PDIA5: variants seen among roughly 807,000 people sequenced by gnomAD.
PDIA5 encodes protein disulfide-isomerase A5.
In PDIA5, 58 loss-of-function variants were observed where a neutral mutation model predicts 77.6. The ratio of observed to expected loss-of-function variants is 0.75; its 90% CI spans 0.61 to 0.93. PDIA5 has a LOEUF of 0.93. Ranked by LOEUF, PDIA5 falls within the 40% of genes least tolerant of loss-of-function variation. The probability of loss-of-function intolerance (pLI) is 0.00; values close to 1 mark genes in which losing one functional copy is unlikely to be tolerated. For missense variants in PDIA5, 630 were observed against 647.7 expected (o/e 0.97, Z 0.30); for synonymous variants, 250 against 252.1 (o/e 0.99, Z 0.08).
rs758368233 is a variant in PDIA5, at chr3:123,106,729, TTC to T, written c.388-16_388-15del. 22 of 1,566,784 alleles carry T rather than the reference TTC, an allele frequency of 1.4e-5. No homozygotes were observed. In the Admixed American group the frequency reaches 3.2e-4, roughly 23 times the overall value. On this transcript the variant is annotated intron_variant, in intron 5 of 16. Coordinates refer to ENST00000316218, the MANE Select transcript of PDIA5 (RefSeq NM_006810.4). ...TTTCAGGGCTAAAATGCATTTTCTCTTCTCTTTTTTTTCCCTCAGTCCATAGT... is the reference window on the plus strand; with the variant it reads ...TTTCAGGGCTAAAATGCATTTTCTCTTCTTTTTTTTCCCTCAGTCCATAGT...
intron 1 of PDIA5, among the ~76,000 whole-genome samples, chr3:123,087,010 A>G (rs752777455): frequency 6.6e-6 from 1 of 151,970 alleles, no homozygotes; most frequent in Non-Finnish European, 1.5e-5. Context: ...GATCTTTTGT[A>G]TGTTGTATTT....
At chr3:123,097,347 C>T (rs949041034) in intron 3 of PDIA5, among the ~76,000 whole-genome samples, 1 of 151,956 alleles carries the variant, frequency 6.6e-6, no homozygotes, top group Non-Finnish European at 1.5e-5. Context: ...GGGAGGGCAG[C>T]GGAGGGGAGG....
chr3:123,112,429 G>A (rs1934884442), intron 7 of PDIA5, among the ~76,000 whole-genome samples: 1 of 151,976 alleles, frequency 6.6e-6, no homozygotes, highest in Admixed American at 6.6e-5. Flanking sequence ...GTGCCCTGGG[G>A]ATGACGCCCC....
Position 123,161,484 on chromosome 3 carries a change from G to T in PDIA5, c.1479+29G>T, listed in dbSNP as rs775106738. The T allele has an allele frequency of 1.9e-6, 3 of 1,607,516 alleles. No individual in the cohort carries two copies. In the Admixed American group the frequency reaches 5.0e-5, roughly 27 times the overall value. On this transcript the variant is annotated intron_variant, in intron 16 of 16. Coordinates refer to ENST00000316218, the MANE Select transcript of PDIA5 (RefSeq NM_006810.4). The stretch of plus-strand genomic sequence containing the variant: ...AGTGGGGGAGAGGCGTCTGCCCAGA[G>T]CTCTCTCTCTGCTGATGGGCAGGGA...
intron 11 of PDIA5, among the ~76,000 whole-genome samples, chr3:123,135,859 C>CTT (rs374372363): frequency 4.1e-4 from 55 of 133,352 alleles, no homozygotes; most frequent in Admixed American, 7.6e-4. Flanking sequence ...TAAAATCGAC[C>CTT]TTTTTTTTTT....
chr3:123,152,767 C>T (rs1177216417), intron 14 of PDIA5, among the ~76,000 whole-genome samples: 1 of 152,134 alleles, frequency 6.6e-6, no homozygotes, highest in Non-Finnish European at 1.5e-5. Flanking sequence ...CATCCTGTCT[C>T]CCCAGCTTCT....
intron 13 of PDIA5, among the ~76,000 whole-genome samples, chr3:123,146,771 CAATAT>C (rs1017163304): frequency 1.3e-5 from 2 of 152,140 alleles, no homozygotes; most frequent in African/African-American, 4.8e-5. Flanking sequence ...GGTGGCTCAA[CAATAT>C]AATATAACAA....
intron 5 of PDIA5, among the ~76,000 whole-genome samples, chr3:123,103,343 C>A (rs917843222): frequency 1.3e-5 from 2 of 152,190 alleles, no homozygotes; most frequent in Non-Finnish European, 2.9e-5. Flanking sequence ...AGCGGCTGCC[C>A]CAGCCCTTAG....
intron 1 of PDIA5, among the ~76,000 whole-genome samples, chr3:123,078,858 C>CA (rs1179638045): frequency 6.6e-6 from 1 of 152,176 alleles, no homozygotes; most frequent in African/African-American, 2.4e-5. Flanking sequence ...TATCAGGGGG[C>CA]ACCTGACGTC....
At chr3:123,104,102 C>T in intron 5 of PDIA5, among the ~76,000 whole-genome samples, 1 of 152,196 alleles carries the variant, frequency 6.6e-6, no homozygotes, top group East Asian at 1.9e-4. Context: ...GTGGGAGAGG[C>T]AGAATCCTGG....
intron 1 of PDIA5, 70 bp downstream of exon 1, chr3:123,067,276 C>T: frequency 2.6e-6 from 3 of 1,171,720 alleles, no homozygotes; most frequent in African/African-American, 1.6e-5. Flanking sequence ...GCGCTCTCTG[C>T]TCCAGCCCTC....
At chr3:123,100,909 G>A (rs770959589) in intron 3 of PDIA5, among the ~76,000 whole-genome samples, 2 of 152,160 alleles carry the variant, frequency 1.3e-5, no homozygotes, top group Admixed American at 6.5e-5. Context: ...GGTGGCTGTC[G>A]TACCTGTCCC....
At chr3:123,092,325 G>T in intron 2 of PDIA5, 30 bp from the exon 3 acceptor site, 3 of 1,581,506 alleles carry the variant, frequency 1.9e-6, no homozygotes, top group Non-Finnish European at 2.6e-6. Context: ...CTTGGTCACA[G>T]ATGTTTAATT....
At chr3:123,119,306 A>G (rs1334232157) in intron 8 of PDIA5, among the ~76,000 whole-genome samples, 1 of 152,126 alleles carries the variant, frequency 6.6e-6, no homozygotes, top group Non-Finnish European at 1.5e-5. Context: ...CTAGAAATAT[A>G]AAAGTTACCC....
intron 7 of PDIA5, among the ~76,000 whole-genome samples, chr3:123,113,533 A>AG (rs1313558586): frequency 6.6e-6 from 1 of 152,168 alleles, no homozygotes; most frequent in Admixed American, 6.5e-5. Context: ...CTTTTGGTGG[A>AG]GGGTCAGATC....
intron 5 of PDIA5, among the ~76,000 whole-genome samples, 197 bp from the exon 6 acceptor site, chr3:123,106,552 C>A (rs1934737766): frequency 6.6e-6 from 1 of 152,104 alleles, no homozygotes; most frequent in Non-Finnish European, 1.5e-5. Context: ...GGTGGAGGTG[C>A]ATTTTTGGGC....
In PDIA5 at chr3:123,110,950, A is replaced by G. The variant is rs1934845742; in HGVS notation, c.487A>G (p.Arg163Gly). Reference sequence around the variant, plus strand: ...TTCTCTTTTTGTGCCTCAGGACTTCAGACGGCTCCTGAAGAAGGAAGAGAA... The same window carrying G: ...TTCTCTTTTTGTGCCTCAGGACTTCGGACGGCTCCTGAAGAAGGAAGAGAA... Reference protein sequence around the residue: ...VVHLDSEKDFRRLLKKEEKPL... With the variant: ...VVHLDSEKDFGRLLKKEEKPL... The change falls in exon 7 of 17, where the codon AGA becomes GGA. Residue 163 changes from arginine (R) to glycine (G), a missense_variant. By Grantham distance (125) the Arg-to-Gly change is moderately radical. Coordinates refer to ENST00000316218, the MANE Select transcript of PDIA5 (RefSeq NM_006810.4). 6.2e-7 allele frequency: 1 copy of G among 1,613,608 alleles called. No individual in the cohort carries two copies. Among genetic ancestry groups the G allele is most frequent in the Non-Finnish European group, 8.5e-7 (1 of 1,179,662 alleles).
At chr3:123,152,516 T>G (rs1010765066) in intron 14 of PDIA5, among the ~76,000 whole-genome samples, 1 of 152,190 alleles carries the variant, frequency 6.6e-6, no homozygotes, top group East Asian at 1.9e-4. Context: ...TTTTTAATAA[T>G]GAAAATAATA....
chr3:123,094,956 G>C (rs150373587), intron 3 of PDIA5, among the ~76,000 whole-genome samples: 1,651 of 152,270 alleles, frequency 0.011, 27 homozygotes, highest in African/African-American at 0.038. Flanking sequence ...GGCAGGTGAG[G>C]GGAACAGGGA....
Sources: gnomAD v4.1 joint callset for allele counts (sites outside exome capture counted in the v4.1 genomes callset) on GRCh38, gnomAD v4.1.1 for gene constraint, MANE v1.5 for transcripts, NCBI Gene and HGNC (gene_info 2026-07-23, HGNC 2026-07-21) for gene names.